Variants in INTS3 observed in about 807,000 individuals in gnomAD.
INTS3 encodes the protein integrator complex subunit 3, also known as SOSS complex subunit A.
In INTS3, 34 loss-of-function variants were observed where a neutral mutation model predicts 146.3. The observed-to-expected ratio is 0.23, with a 90% CI of 0.18 to 0.31. The LOEUF (loss-of-function observed/expected upper bound fraction) is 0.31. INTS3 is among the 10% of genes least tolerant of loss of function. The pLI, the probability that INTS3 is intolerant of heterozygous loss-of-function variation, is 1.00. For missense variants in INTS3, 757 were observed against 1,304.2 expected (o/e 0.58, Z 6.46); for synonymous variants, 475 against 494.9 (o/e 0.96, Z 0.53).
intron 9 of INTS3, among the ~76,000 whole-genome samples, chr1:153,756,644 C>G (rs12062022): frequency 6.6e-6 from 1 of 151,794 alleles, no homozygotes; most frequent in Non-Finnish European, 1.5e-5. Flanking sequence ...GGTGAAACCC[C>G]GTCTCTACTA....
rs1400636202 is a variant in INTS3 at position 153,768,951 on chromosome 1, ACT to A, written c.2306_2307del (p.Ser769CysfsTer14). The stretch of plus-strand genomic sequence containing the variant: ...CTGAACATGATCGTGGCTGTTATTG[ACT>A]CTGCACAGGTGAACATTGAGCTCTG... On this transcript the variant is annotated frameshift_variant, in exon 22 of 30. Coordinates refer to ENST00000318967, the MANE Select transcript of INTS3 (RefSeq NM_023015.5). LOFTEE classifies it high-confidence loss of function. 1.2e-6 allele frequency: 2 copies of A among 1,613,496 alleles called. No homozygotes were observed. The highest frequency in any genetic ancestry group is 1.7e-6 in the Non-Finnish European group (2 of 1,179,628).
chr1:153,761,616 C>T lies in INTS3; in HGVS notation c.1456C>T (p.Arg486Trp). ...CAACCCTAAGTTGGATAAGGAGCTG[C>T]GGGCAATGCTGAGAGAGAAGTTTCC... ...FDNPKLDKEL[R>W]AMLREKFPEF... The change falls in exon 14 of 30, where the codon CGG becomes TGG. Residue 486 changes from arginine to tryptophan, a missense_variant. Coordinates refer to ENST00000318967, the MANE Select transcript of INTS3 (RefSeq NM_023015.5). The T allele has an allele frequency of 6.2e-7, 1 of 1,614,174 alleles. No homozygotes were observed. The highest frequency in any genetic ancestry group is 8.5e-7 in the Non-Finnish European group (1 of 1,179,984).
rs955522738 is a variant in INTS3 at position 153,773,700 on chromosome 1, G to C, written c.*430G>C. ...ACTCAGTGTGTGGGTGTCCCTTCCTGCTTCCCCTTCAGGTCTTGGTTTGTT... is the reference window on the plus strand; with the variant it reads ...ACTCAGTGTGTGGGTGTCCCTTCCTCCTTCCCCTTCAGGTCTTGGTTTGTT... On this transcript the variant is annotated 3_prime_UTR_variant, in exon 30 of 30. Transcript: ENST00000318967. 1 of 215,840 alleles carries C rather than the reference G, an allele frequency of 4.6e-6. No individual in the cohort carries two copies. Among genetic ancestry groups the C allele is most frequent in the Non-Finnish European group, 1.0e-5 (1 of 96,938 alleles). 13.4% of individuals were successfully genotyped at this position (215,840 alleles called of 1,614,324 possible).
At chr1:153,738,893 CTTTTT>C (rs59978263) in intron 1 of INTS3, among the ~76,000 whole-genome samples, 5 of 135,058 alleles carry the variant, frequency 3.7e-5, no homozygotes, top group African/African-American at 1.4e-4. Context: ...TATTAAGTGT[CTTTTT>C]TTTTTTTTTT....
intron 2 of INTS3, among the ~76,000 whole-genome samples, 186 bp from the exon 3 acceptor site, chr1:153,741,099 C>T (rs1386089082): frequency 6.6e-6 from 1 of 152,118 alleles, no homozygotes; most frequent in Non-Finnish European, 1.5e-5. Context: ...CACCACCACA[C>T]CTGTCGTCCT....
intron 1 of INTS3, among the ~76,000 whole-genome samples, chr1:153,737,558 G>GTT (rs753800001): frequency 1.6e-4 from 25 of 152,270 alleles, no homozygotes; most frequent in South Asian, 6.2e-4. Flanking sequence ...GAGTGCAGAG[G>GTT]TGCAATCTTG....
intron 20 of INTS3, chr1:153,767,361 G>A (rs147096251): frequency 6.9e-6 from 2 of 288,428 alleles, no homozygotes; most frequent in Non-Finnish European, 1.3e-5. Context: ...CAGAAAGCAA[G>A]AGAGAAAGCC....
rs1672355969 is a variant in INTS3 at position 153,760,820 on chromosome 1, C to T, written c.1318-7C>T. On this transcript the variant is annotated splice_polypyrimidine_tract_variant and splice_region_variant and intron_variant, in intron 12 of 29. Transcript: ENST00000318967. ...TGCTCATTTTTCCCCTCCTTCTTCG[C>T]TTCCAGATCATTCCCAACTTCTATC... 3 of 1,611,580 alleles carry T rather than the reference C, an allele frequency of 1.9e-6. No individual in the cohort carries two copies. Among genetic ancestry groups the T allele is most frequent in the Non-Finnish European group, 1.7e-6 (2 of 1,177,768 alleles).
intron 6 of INTS3, among the ~76,000 whole-genome samples, chr1:153,749,217 A>G (rs1671866766): frequency 2.6e-5 from 4 of 152,028 alleles, no homozygotes; most frequent in Admixed American, 2.6e-4. Flanking sequence ...ATCCTGCTGG[A>G]GTTTGCATAT....
chr1:153,769,925 AGCT>A, intron 23 of INTS3, 81 bp downstream of exon 23: 2 of 1,059,800 alleles, frequency 1.9e-6, no homozygotes, highest in Non-Finnish European at 2.9e-6. Flanking sequence ...CTATCAGGAA[AGCT>A]GGTTCTGGGG....
intron 1 of INTS3, among the ~76,000 whole-genome samples, chr1:153,739,334 G>A (rs1671427999): frequency 6.6e-6 from 1 of 151,890 alleles, no homozygotes; most frequent in Admixed American, 6.6e-5. Context: ...CAAAGTGCTG[G>A]GATTACAGGC....
Position 153,761,637 on chromosome 1 carries a change from T to A in INTS3, c.1477T>A (p.Phe493Ile). 7 of 1,614,124 alleles carry A rather than the reference T, an allele frequency of 4.3e-6. No individual in the cohort carries two copies. The highest frequency in any genetic ancestry group is 5.9e-6 in the Non-Finnish European group (7 of 1,179,992). ...GCTGCGGGCAATGCTGAGAGAGAAG[T>A]TTCCTGAGTTCTGCAGCTCACCCTC... ...KELRAMLREK[F>I]PEFCSSPSPP... The change falls in exon 14 of 30, where the codon TTT becomes ATT. Residue 493 changes from phenylalanine (F) to isoleucine (I), a missense_variant. Physicochemically the swap from Phe to Ile is conservative, Grantham distance 21. Transcript: ENST00000318967.
intron 9 of INTS3, among the ~76,000 whole-genome samples, chr1:153,756,925 G>A (rs752427601): frequency 1.3e-4 from 20 of 152,308 alleles, no homozygotes; most frequent in Middle Eastern, 3.4e-3. Flanking sequence ...GTGTTGGTCT[G>A]GAAGTATCTT....
chr1:153,741,088 G>A (rs1410972510), intron 2 of INTS3, among the ~76,000 whole-genome samples, 197 bp from the exon 3 acceptor site: 1 of 152,104 alleles, frequency 6.6e-6, no homozygotes, highest in Non-Finnish European at 1.5e-5. Context: ...CTACAGGTGT[G>A]CACCACCACA....
chr1:153,764,270 T>C (rs1401792530), intron 18 of INTS3, 49 bp downstream of exon 18: 1 of 1,305,026 alleles, frequency 7.7e-7, no homozygotes, highest in Admixed American at 1.7e-5. Flanking sequence ...CAGAGGGTGC[T>C]CTTACAGCCT....
At chr1:153,767,299 TG>T in intron 20 of INTS3, 1 of 190,948 alleles carries the variant, frequency 5.2e-6, no homozygotes, top group East Asian at 1.2e-4. Flanking sequence ...CAAGCCATTT[TG>T]AGCTAAGTTT....
At chr1:153,732,049 A>C (rs1000008695) in intron 1 of INTS3, among the ~76,000 whole-genome samples, 1 of 151,100 alleles carries the variant, frequency 6.6e-6, no homozygotes, top group Admixed American at 6.6e-5. Context: ...CTGGGATTAC[A>C]GGCACTACCA....
At chr1:153,752,208 C>A in intron 7 of INTS3, 71 bp from the exon 8 acceptor site, 2 of 1,455,658 alleles carry the variant, frequency 1.4e-6, no homozygotes, top group Non-Finnish European at 1.9e-6. Flanking sequence ...TTCCTTTGTC[C>A]TCCCTCCAGC....
intron 13 of INTS3, 108 bp from the exon 14 acceptor site, chr1:153,761,462 A>G (rs1672380238): frequency 5.3e-6 from 4 of 754,096 alleles, no homozygotes; most frequent in Non-Finnish European, 8.9e-6. Context: ...GTGAGCCGAG[A>G]TTGTGCCACT....
Sources: gnomAD v4.1 joint callset for allele counts (sites outside exome capture counted in the v4.1 genomes callset) on GRCh38, gnomAD v4.1.1 for gene constraint, MANE v1.5 for transcripts, NCBI Gene and HGNC (gene_info 2026-07-23, HGNC 2026-07-21) for gene names.